CNTNAP2: variants seen among roughly 807,000 people sequenced by gnomAD.
CNTNAP2 encodes the protein contactin-associated protein-like 2.
A neutral mutation model predicts 155.2 loss-of-function variants in CNTNAP2; 98 were observed. That is an observed-to-expected ratio of 0.63 (90% CI 0.54 to 0.75). The LOEUF is 0.75. Among genes scored for constraint, CNTNAP2 ranks in the 30% least tolerant of loss-of-function variants. The probability of loss-of-function intolerance (pLI) is 0.00; values close to 1 mark genes in which losing one functional copy is unlikely to be tolerated. For synonymous variants in CNTNAP2, 651 were observed against 631.2 expected (o/e 1.03, Z -0.47); for missense variants, 1,727 against 1,688.1 (o/e 1.02, Z -0.40).
At chr7:147,279,306 G>A (rs990149089) in intron 8 of CNTNAP2, among the ~76,000 whole-genome samples, 5 of 151,570 alleles carry the variant, frequency 3.3e-5, no homozygotes, top group Non-Finnish European at 7.4e-5. Context: ...ATGGTGAGAC[G>A]ATTATTCATT....
At chr7:148,000,441 A>G (rs1801875941) in intron 15 of CNTNAP2, among the ~76,000 whole-genome samples, 1 of 152,188 alleles carries the variant, frequency 6.6e-6, no homozygotes, top group Admixed American at 6.5e-5. Context: ...AGCACTTCAC[A>G]AATCAACTCA....
At chr7:146,645,274 C>T (rs899069269) in intron 1 of CNTNAP2, among the ~76,000 whole-genome samples, 8 of 152,164 alleles carry the variant, frequency 5.3e-5, no homozygotes, top group East Asian at 3.9e-4. Context: ...GGTTGCCATT[C>T]GAAAGAGGCA....
chr7:147,106,444 T>G (rs1188952193), intron 4 of CNTNAP2, among the ~76,000 whole-genome samples: 1 of 152,128 alleles, frequency 6.6e-6, no homozygotes, highest in Non-Finnish European at 1.5e-5. Flanking sequence ...ATTAAACGAT[T>G]GATTTTTTCC....
At chr7:146,135,709 T>G (rs955896224) in intron 1 of CNTNAP2, among the ~76,000 whole-genome samples, 3 of 152,068 alleles carry the variant, frequency 2.0e-5, no homozygotes, top group Admixed American at 1.3e-4. Flanking sequence ...GAAAGTGAGT[T>G]AACTTCTTCC....
At position 146,630,126 on chromosome 7, in the gene CNTNAP2, C is replaced by T. The variant is rs559974031; in HGVS notation, c.98-144145C>T. On this transcript the variant is annotated intron_variant, in intron 1 of 23. Coordinates refer to ENST00000361727, the MANE Select transcript of CNTNAP2 (RefSeq NM_014141.6). ...TTAGGTATTTGTCCTAATGCTCTCC[C>T]TCCCCTAGCCCCTCATTCCTAGACA... Among the ~76,000 whole-genome samples the T allele has an allele frequency of 4.4e-4, 67 of 152,040 alleles. 2 individuals carry two copies. The highest frequency in any genetic ancestry group is 1.6e-3 in the African/African-American group (66 of 41,496).
chr7:148,393,649 T>A (rs984926393), intron 22 of CNTNAP2, among the ~76,000 whole-genome samples: 1 of 152,192 alleles, frequency 6.6e-6, no homozygotes, highest in Non-Finnish European at 1.5e-5. Flanking sequence ...TTGATACTAC[T>A]ACAAACCATC....
At chr7:146,981,593 T>A (rs1798019124) in intron 3 of CNTNAP2, among the ~76,000 whole-genome samples, 1 of 152,210 alleles carries the variant, frequency 6.6e-6, no homozygotes, top group Non-Finnish European at 1.5e-5. Context: ...TCCATTTTTT[T>A]AATCTCAAAG....
chr7:147,736,989 A>T (rs979786707), intron 13 of CNTNAP2, among the ~76,000 whole-genome samples: 7 of 152,108 alleles, frequency 4.6e-5, no homozygotes, highest in Admixed American at 4.6e-4. Flanking sequence ...AGCTCAGACA[A>T]GTTTGATCAT....
chr7:146,749,504 A>T (rs919646673), intron 1 of CNTNAP2, among the ~76,000 whole-genome samples: 1 of 152,170 alleles, frequency 6.6e-6, no homozygotes, highest in African/African-American at 2.4e-5. Context: ...AGAGTCAATG[A>T]TATTCAGCAT....
rs183192701 is a variant in CNTNAP2, at chr7:148,202,268, C to T, written c.3011-15020C>T. ...GCTTGGCACGCACATCACTAAGCAA[C>T]AGATGCTTTCTGGAAAACCATTTGG... On this transcript the variant is annotated intron_variant, in intron 18 of 23. Transcript: ENST00000361727. Among the ~76,000 whole-genome samples, 233 of 152,264 alleles carry T rather than the reference C, an allele frequency of 1.5e-3. 2 individuals carry two copies. Among genetic ancestry groups the T allele is most frequent in the African/African-American group, 5.2e-3 (217 of 41,550 alleles).
chr7:147,956,533 C>T (rs1479653567), intron 14 of CNTNAP2, among the ~76,000 whole-genome samples: 1 of 152,188 alleles, frequency 6.6e-6, no homozygotes, highest in East Asian at 1.9e-4. Context: ...GTTCAGCCTT[C>T]TGCCGCTGAC....
At chr7:146,379,179 G>C (rs144263103) in intron 1 of CNTNAP2, among the ~76,000 whole-genome samples, 1 of 152,186 alleles carries the variant, frequency 6.6e-6, no homozygotes, top group African/African-American at 2.4e-5. Flanking sequence ...TGCAGAATGG[G>C]TGCCTCTTTC....
In CNTNAP2 at chr7:148,122,374, T is replaced by A. The variant is rs771459155; in HGVS notation, c.2554+4086T>A. Among the ~76,000 whole-genome samples, 46 of 152,098 alleles carry A rather than the reference T, an allele frequency of 3.0e-4. 1 individual carries two copies. Among genetic ancestry groups the A allele is most frequent in the Non-Finnish European group, 6.2e-4 (42 of 68,016 alleles). On this transcript the variant is annotated intron_variant, in intron 16 of 23. Transcript: ENST00000361727. ...CTTGACAAGGAGCGCCTCCCAGGGA[T>A]GGAATGCTTTAATTAAATTTTGATG... is the stretch of plus-strand genomic sequence containing the variant.
intron 1 of CNTNAP2, among the ~76,000 whole-genome samples, chr7:146,577,774 A>G (rs566691772): frequency 6.6e-6 from 1 of 152,188 alleles, no homozygotes; most frequent in Non-Finnish European, 1.5e-5. Context: ...TATAAAGAAT[A>G]CAAGTAAAAA....
At chr7:146,278,656 A>G (rs960478142) in intron 1 of CNTNAP2, among the ~76,000 whole-genome samples, 3 of 152,206 alleles carry the variant, frequency 2.0e-5, no homozygotes, top group East Asian at 1.9e-4. Context: ...ATGATTTAGT[A>G]TGTCTTGAAG....
intron 3 of CNTNAP2, among the ~76,000 whole-genome samples, chr7:147,011,713 CT>C (rs1798629429): frequency 6.6e-6 from 1 of 152,088 alleles, no homozygotes; most frequent in Non-Finnish European, 1.5e-5. Flanking sequence ...ACCAGAAGCC[CT>C]TTTTCCCAAA....
At chr7:147,737,286 C>T (rs907942571) in intron 13 of CNTNAP2, among the ~76,000 whole-genome samples, 17 of 152,156 alleles carry the variant, frequency 1.1e-4, no homozygotes, top group South Asian at 2.1e-4. Flanking sequence ...GCTGGAGGTC[C>T]ACTCCAGACC....
At chr7:147,984,080 A>T (rs995997312) in intron 15 of CNTNAP2, among the ~76,000 whole-genome samples, 1 of 152,126 alleles carries the variant, frequency 6.6e-6, no homozygotes, top group South Asian at 2.1e-4. Context: ...CTGTCATGTG[A>T]TGTTATGCTA....
intron 13 of CNTNAP2, among the ~76,000 whole-genome samples, chr7:147,670,557 C>T (rs2116965255): frequency 6.6e-6 from 1 of 152,296 alleles, no homozygotes; most frequent in South Asian, 2.1e-4. Context: ...ACATCAGAGA[C>T]TGTGGCTGGA....
Sources: allele counts gnomAD v4.1 joint callset (sites outside exome capture counted in the v4.1 genomes callset), GRCh38; gene constraint gnomAD v4.1.1; transcripts MANE v1.5; gene names NCBI Gene and HGNC (gene_info 2026-07-23, HGNC 2026-07-21).